PCDH15: variants seen among roughly 807,000 people sequenced by gnomAD.
The protein encoded by PCDH15 is protocadherin related 15, also known as protocadherin-15.
A neutral mutation model predicts 178.5 loss-of-function variants in PCDH15; 129 were observed. The ratio of observed to expected loss-of-function variants is 0.72; its 90% CI spans 0.63 to 0.84. The LOEUF is 0.84. PCDH15 is among the 40% of genes least tolerant of loss of function. The pLI, the probability that PCDH15 is intolerant of heterozygous loss-of-function variation, is 0.00. For synonymous variants in PCDH15, 800 were observed against 732.0 expected (o/e 1.09, Z -1.50); for missense variants, 2,230 against 2,099.9 (o/e 1.06, Z -1.21).
At chr10:55,368,878 G>A (rs554531678) in intron 2 of PCDH15, among the ~76,000 whole-genome samples, 1 of 152,026 alleles carries the variant, frequency 6.6e-6, no homozygotes, top group African/African-American at 2.4e-5. Flanking sequence ...AGAAGAATAT[G>A]TGTTGAGATC....
intron 2 of PCDH15, among the ~76,000 whole-genome samples, chr10:54,601,985 A>G (rs2134094889): frequency 6.6e-6 from 1 of 152,020 alleles, no homozygotes; most frequent in East Asian, 1.9e-4. Flanking sequence ...GCCAACCAGA[A>G]GGTGGAGGGT....
chr10:54,678,201 C>A (rs572332455), intron 1 of PCDH15, among the ~76,000 whole-genome samples: 43 of 152,244 alleles, frequency 2.8e-4, no homozygotes, highest in Non-Finnish European at 3.7e-4. Flanking sequence ...CAAAGGGTTT[C>A]TTAAATGCAC....
intron 18 of PCDH15, among the ~76,000 whole-genome samples, chr10:54,053,528 G>A (rs2610873): frequency 0.21 from 31,643 of 152,008 alleles, 3,476 homozygotes; most frequent in Non-Finnish European, 0.23. Context: ...AGAAAACACC[G>A]AGGGTATAGG....
At chr10:55,378,882 T>G (rs1565076561) in intron 2 of PCDH15, among the ~76,000 whole-genome samples, 1 of 113,592 alleles carries the variant, frequency 8.8e-6, no homozygotes. Flanking sequence ...TCCCCATCTC[T>G]CTCTCTCTCT....
rs534961814 is a variant in PCDH15, at chr10:54,914,595, C to T, written c.-79-17095G>A. Among the ~76,000 whole-genome samples, 8 of 152,090 alleles carry T rather than the reference C, an allele frequency of 5.3e-5. No individual in the cohort carries two copies. In the South Asian group the frequency reaches 1.2e-3, roughly 24 times the overall value. On this transcript the variant is annotated intron_variant, in intron 2 of 5. Coordinates refer to the PCDH15 transcript ENST00000458638. The stretch of plus-strand genomic sequence containing the variant: ...CCTTATGCTGGAAACTTTAATCTTG[C>T]GCCTTAGTTTTCCACTCTGGACACT...
At chr10:54,022,656 T>C (rs1407508423) in intron 19 of PCDH15, among the ~76,000 whole-genome samples, 1 of 152,180 alleles carries the variant, frequency 6.6e-6, no homozygotes. Context: ...AGTATATTTT[T>C]AATTTCTTAC....
At chr10:55,289,924 G>GTAGTAAAAAAAAGTAAAAGGTGAAGTGT (rs1564972976) in intron 1 of PCDH15, among the ~76,000 whole-genome samples, 1 of 151,838 alleles carries the variant, frequency 6.6e-6, no homozygotes, top group African/African-American at 2.4e-5. Context: ...GTAAAAGCAA[G>GTAGTAAAAAAAAGTAAAAGGTGAAGTGT]CTGGCTGCCT....
At position 53,822,271 on chromosome 10, in the gene PCDH15, G is replaced by A. The variant is rs765316016; in HGVS notation, c.4368-2041C>T. 4.3e-6 allele frequency: 7 copies of A among 1,613,792 alleles called. No individual in the cohort carries two copies. In the East Asian group the frequency reaches 1.3e-4, roughly 31 times the overall value. On this transcript the variant is annotated intron_variant, in intron 32 of 37. Coordinates refer to ENST00000644397, the MANE Select transcript of PCDH15 (RefSeq NM_001384140.1). ...CAAGGAATAGAAGGAGGTGGTGGAG[G>A]AAGAGGAGTTGGAAATGGAGGTAGA...
intron 2 of PCDH15, among the ~76,000 whole-genome samples, chr10:54,967,202 G>T (rs1295638616): frequency 3.3e-5 from 5 of 151,692 alleles, no homozygotes; most frequent in Non-Finnish European, 7.4e-5. Flanking sequence ...GAATTTTTGA[G>T]CTCCACTATA....
intron 2 of PCDH15, among the ~76,000 whole-genome samples, chr10:55,417,532 A>T (rs1838513340): frequency 6.6e-6 from 1 of 151,800 alleles, no homozygotes; most frequent in Non-Finnish European, 1.5e-5. Context: ...ATAATGCATA[A>T]TAAAAGAAAA....
chr10:54,027,262 T>C (rs903230378), intron 18 of PCDH15, among the ~76,000 whole-genome samples: 9 of 148,914 alleles, frequency 6.0e-5, no homozygotes, highest in African/African-American at 2.3e-4. Flanking sequence ...CAAGGAGAAC[T>C]ACAAACCACT....
intron 2 of PCDH15, among the ~76,000 whole-genome samples, chr10:55,335,075 T>A (rs1844345667): frequency 1.3e-5 from 2 of 152,202 alleles, no homozygotes; most frequent in Admixed American, 6.5e-5. Context: ...CAAACATAGT[T>A]GTGCTTCTTC....
chr10:54,265,824 A>C (rs1290031652), intron 8 of PCDH15, among the ~76,000 whole-genome samples: 2 of 152,008 alleles, frequency 1.3e-5, no homozygotes, highest in Non-Finnish European at 2.9e-5. Flanking sequence ...CCTCAGTAAT[A>C]ACTGGGGACT....
At chr10:55,417,334 A>C (rs900014478) in intron 2 of PCDH15, among the ~76,000 whole-genome samples, 2 of 151,814 alleles carry the variant, frequency 1.3e-5, no homozygotes, top group African/African-American at 2.4e-5. Context: ...AATAACCAAA[A>C]GGAAGAAAGA....
At chr10:53,848,196 G>C in intron 28 of PCDH15, among the ~76,000 whole-genome samples, 1 of 151,658 alleles carries the variant, frequency 6.6e-6, no homozygotes, top group Non-Finnish European at 1.5e-5. Flanking sequence ...CCATGAGTTG[G>C]GGTGAATTAC....
intron 13 of PCDH15, among the ~76,000 whole-genome samples, chr10:54,179,859 G>C (rs1590995565): frequency 6.6e-6 from 1 of 152,156 alleles, no homozygotes; most frequent in Non-Finnish European, 1.5e-5. Context: ...TTTGCGAATA[G>C]TGTTTATGGA....
chr10:54,891,944 G>T (rs1446132372), intron 3 of PCDH15, among the ~76,000 whole-genome samples: 4 of 152,054 alleles, frequency 2.6e-5, no homozygotes, highest in Admixed American at 2.6e-4. Context: ...GTAAAGGTCT[G>T]GGGGAACAAG....
intron 1 of PCDH15, among the ~76,000 whole-genome samples, chr10:55,216,480 A>T (rs958398111): frequency 6.6e-6 from 1 of 151,882 alleles, no homozygotes; most frequent in African/African-American, 2.4e-5. Context: ...CTTGTCAAGG[A>T]GTACAAAGTT....
intron 27 of PCDH15, 127 bp from the exon 28 acceptor site, chr10:53,857,390 A>T: frequency 1.4e-6 from 1 of 691,146 alleles, no homozygotes; most frequent in Non-Finnish European, 2.6e-6. Flanking sequence ...AAATTCAGGA[A>T]CAAATATATA....
Sources: gnomAD v4.1 joint callset for allele counts (sites outside exome capture counted in the v4.1 genomes callset) on GRCh38, gnomAD v4.1.1 for gene constraint, MANE v1.5 for transcripts, NCBI Gene and HGNC (gene_info 2026-07-23, HGNC 2026-07-21) for gene names.